Variants in ATF7IP observed in about 807,000 individuals in gnomAD.
The protein encoded by ATF7IP is activating transcription factor 7 interacting protein.
Under a neutral mutation model 106.4 loss-of-function variants are expected in ATF7IP, and 23 were observed. The ratio of observed to expected loss-of-function variants is 0.22; its 90% CI spans 0.16 to 0.31. ATF7IP has a LOEUF of 0.31. ATF7IP is among the 10% of genes least tolerant of loss of function. The pLI is 1.00. For synonymous variants in ATF7IP, 542 were observed against 539.0 expected (o/e 1.01, Z -0.08); for missense variants, 1,334 against 1,524.3 (o/e 0.88, Z 2.08).
At chr12:14,475,828 A>AT in intron 10 of ATF7IP, 62 bp from the exon 11 acceptor site, 1 of 1,381,984 alleles carries the variant, frequency 7.2e-7, no homozygotes, top group Non-Finnish European at 1.0e-6. Context: ...TTATCATCTC[A>AT]TTTTTTAACA....
At chr12:14,381,136 AT>A (rs2136411385) in intron 1 of ATF7IP, among the ~76,000 whole-genome samples, 1 of 152,258 alleles carries the variant, frequency 6.6e-6, no homozygotes, top group South Asian at 2.1e-4. Flanking sequence ...TGATTTTCAG[AT>A]TTCTGCCAGG....
intron 7 of ATF7IP, 148 bp from the exon 8 acceptor site, chr12:14,457,059 C>T: frequency 1.5e-6 from 1 of 672,126 alleles, no homozygotes; most frequent in Non-Finnish European, 2.6e-6. Flanking sequence ...GCCAGCTATG[C>T]CTCACTGTTT....
At chr12:14,436,386 G>A (rs1182331679) in intron 4 of ATF7IP, 135 bp downstream of exon 4, 10 of 929,484 alleles carry the variant, frequency 1.1e-5, no homozygotes, top group East Asian at 2.7e-5. Context: ...GAAGAAAGTG[G>A]TTGAGCTTTT....
chr12:14,408,526 G>C (rs1434833281), intron 1 of ATF7IP: 5 of 152,146 alleles, frequency 3.3e-5, no homozygotes, highest in Admixed American at 6.5e-5. Context: ...TAAGATGGCT[G>C]CAGGGGGCTC....
intron 1 of ATF7IP, among the ~76,000 whole-genome samples, chr12:14,398,940 G>T (rs1940026572): frequency 6.6e-6 from 1 of 151,840 alleles, no homozygotes; most frequent in South Asian, 2.1e-4. Flanking sequence ...TATTTTTGTT[G>T]TTTTACACGC....
chr12:14,488,199 CAT>C (rs1944689769), intron 13 of ATF7IP, among the ~76,000 whole-genome samples: 2 of 152,044 alleles, frequency 1.3e-5, no homozygotes, highest in South Asian at 4.2e-4. Context: ...GACACACACA[CAT>C]GCACACACAC....
intron 1 of ATF7IP, among the ~76,000 whole-genome samples, chr12:14,386,502 G>A (rs1030580583): frequency 4.6e-4 from 70 of 152,108 alleles, no homozygotes; most frequent in African/African-American, 1.6e-3. Flanking sequence ...AACTTTCTGA[G>A]TAGAGCAGCT....
chr12:14,416,660 A>G (rs2136519630), intron 1 of ATF7IP, among the ~76,000 whole-genome samples: 1 of 152,292 alleles, frequency 6.6e-6, no homozygotes, highest in Non-Finnish European at 1.5e-5. Context: ...TGTTTTTCAA[A>G]CAGAGCATCT....
intron 2 of ATF7IP, among the ~76,000 whole-genome samples, chr12:14,428,620 T>G (rs1370135685): frequency 6.6e-6 from 1 of 152,204 alleles, no homozygotes; most frequent in African/African-American, 2.4e-5. Context: ...AACACAGAAT[T>G]ATTAGCTGAA....
At chr12:14,372,748 C>T (rs758740332) in intron 1 of ATF7IP, among the ~76,000 whole-genome samples, 1 of 152,102 alleles carries the variant, frequency 6.6e-6, no homozygotes, top group Non-Finnish European at 1.5e-5. Context: ...TAATGTCTTA[C>T]TATATATGAT....
rs1049396615 is a variant in ATF7IP at position 14,377,151 on chromosome 12, C to T, written c.-8+11324C>T. ...CTGGGATTACAGAAATGCACCACCA[C>T]GCCCTGCTAATTTGTGTATTTTTAG... is the stretch of plus-strand genomic sequence containing the variant. On this transcript the variant is annotated intron_variant, in intron 1 of 14. Coordinates refer to ENST00000261168, the MANE Select transcript of ATF7IP (RefSeq NM_018179.5). 4.0e-5 allele frequency among the ~76,000 whole-genome samples: 6 copies of T among 151,552 alleles called. No homozygotes were observed. In the South Asian group the frequency reaches 6.3e-4, roughly 16 times the overall value.
chr12:14,445,279 G>A (rs901393205), intron 5 of ATF7IP, among the ~76,000 whole-genome samples: 2 of 152,084 alleles, frequency 1.3e-5, no homozygotes, highest in Admixed American at 1.3e-4. Flanking sequence ...GTGAGCCACT[G>A]CGCCTGGCCC....
chr12:14,485,836 G>T (rs1944589853), intron 13 of ATF7IP, among the ~76,000 whole-genome samples: 1 of 152,190 alleles, frequency 6.6e-6, no homozygotes, highest in East Asian at 1.9e-4. Context: ...TAAGCTTACA[G>T]TAATCCACTG....
intron 8 of ATF7IP, among the ~76,000 whole-genome samples, chr12:14,457,687 A>G (rs903143660): frequency 6.6e-6 from 1 of 152,240 alleles, no homozygotes; most frequent in Non-Finnish European, 1.5e-5. Flanking sequence ...AAAATTATTA[A>G]GAACCCCAGA....
At chr12:14,479,578 A>G (rs1036783100) in intron 12 of ATF7IP, among the ~76,000 whole-genome samples, 3 of 152,166 alleles carry the variant, frequency 2.0e-5, no homozygotes, top group Admixed American at 2.0e-4. Context: ...GATGTTTTCC[A>G]TAGTGATTTA....
chr12:14,435,555 T>C (rs1030964318), intron 3 of ATF7IP, among the ~76,000 whole-genome samples: 1 of 152,244 alleles, frequency 6.6e-6, no homozygotes, highest in Non-Finnish European at 1.5e-5. Flanking sequence ...CTATATTCTT[T>C]ATAAATGTAC....
chr12:14,403,479 C>T (rs1023010606), intron 1 of ATF7IP, among the ~76,000 whole-genome samples: 3 of 152,144 alleles, frequency 2.0e-5, no homozygotes, highest in African/African-American at 7.2e-5. Context: ...TCTAGTCTCT[C>T]TAAGCACTGT....
intron 1 of ATF7IP, chr12:14,385,538 C>A (rs986978990): frequency 2.8e-6 from 2 of 708,116 alleles, no homozygotes; most frequent in East Asian, 2.7e-5. Context: ...AACCTTTAAG[C>A]CTTTATTATG....
intron 6 of ATF7IP, among the ~76,000 whole-genome samples, chr12:14,449,278 T>G (rs1178707937): frequency 6.6e-6 from 1 of 152,156 alleles, no homozygotes; most frequent in Non-Finnish European, 1.5e-5. Context: ...TGGTTTTAGG[T>G]CTTATATTTA....
Sources: allele counts gnomAD v4.1 joint callset (sites outside exome capture counted in the v4.1 genomes callset), GRCh38; gene constraint gnomAD v4.1.1; transcripts MANE v1.5; gene names NCBI Gene and HGNC (gene_info 2026-07-23, HGNC 2026-07-21).